The following LDB2 variants were observed in gnomAD, a reference collection of about 807,000 sequenced individuals.
The protein encoded by LDB2 is LIM domain binding 2.
Under a neutral mutation model 44.3 loss-of-function variants are expected in LDB2, and 12 were observed. That is an observed-to-expected ratio of 0.27 (90% CI 0.17 to 0.44). LDB2 has a LOEUF of 0.44. Among genes scored for constraint, LDB2 ranks in the 20% least tolerant of loss-of-function variants. The probability of loss-of-function intolerance (pLI) is 1.00; values close to 1 mark genes in which losing one functional copy is unlikely to be tolerated. For missense variants in LDB2, 344 were observed against 473.5 expected (o/e 0.73, Z 2.54); for synonymous variants, 164 against 174.8 (o/e 0.94, Z 0.49).
At chr4:16,508,496 CAGTT>C (rs778154454) in intron 7 of LDB2, 35 bp downstream of exon 7, 37 of 1,470,598 alleles carry the variant, frequency 2.5e-5, no homozygotes, top group Non-Finnish European at 3.0e-5. Context: ...AGGAAGCAGA[CAGTT>C]AGGATTTCGG....
chr4:16,651,611 T>C (rs1254589529), intron 2 of LDB2, among the ~76,000 whole-genome samples: 1 of 151,948 alleles, frequency 6.6e-6, no homozygotes, highest in Non-Finnish European at 1.5e-5. Context: ...TCTACGCTTA[T>C]AATAAAATTT....
chr4:16,731,138 C>A (rs1370383810), intron 2 of LDB2, among the ~76,000 whole-genome samples: 3 of 152,000 alleles, frequency 2.0e-5, no homozygotes, highest in Non-Finnish European at 1.5e-5. Flanking sequence ...GAGTCGATGA[C>A]AATGGTGTGC....
At chr4:16,829,436 A>T (rs1312013025) in intron 1 of LDB2, among the ~76,000 whole-genome samples, 1 of 152,232 alleles carries the variant, frequency 6.6e-6, no homozygotes, top group East Asian at 1.9e-4. Flanking sequence ...TTTATTTGAA[A>T]ACACAATTTA....
chr4:16,510,319 C>T (rs973084253), intron 6 of LDB2, among the ~76,000 whole-genome samples: 1 of 152,076 alleles, frequency 6.6e-6, no homozygotes, highest in African/African-American at 2.4e-5. Flanking sequence ...AGATTTTCAT[C>T]AAATGGTCTA....
intron 1 of LDB2, among the ~76,000 whole-genome samples, chr4:16,765,813 A>T (rs1246671454): frequency 6.6e-6 from 1 of 152,246 alleles, no homozygotes; most frequent in Non-Finnish European, 1.5e-5. Context: ...TGCCCCAGGC[A>T]TGCATGTCAG....
chr4:16,857,094 T>A (rs1196673859), intron 1 of LDB2, among the ~76,000 whole-genome samples: 1 of 152,182 alleles, frequency 6.6e-6, no homozygotes, highest in Admixed American at 6.5e-5. Flanking sequence ...CCGTTACTAA[T>A]TCTCATAGAA....
intron 1 of LDB2, among the ~76,000 whole-genome samples, chr4:16,765,858 T>A (rs985587823): frequency 2.0e-5 from 3 of 152,204 alleles, no homozygotes; most frequent in Non-Finnish European, 4.4e-5. Flanking sequence ...AAATAAATTA[T>A]CTCACACCTA....
chr4:16,590,933 G>T (rs1344526302), intron 3 of LDB2, among the ~76,000 whole-genome samples: 5 of 152,170 alleles, frequency 3.3e-5, no homozygotes, highest in Non-Finnish European at 7.3e-5. Flanking sequence ...ATTAAAAAGA[G>T]TTGCATGGAG....
At chr4:16,815,741 G>A (rs1057042917) in intron 1 of LDB2, among the ~76,000 whole-genome samples, 1 of 152,234 alleles carries the variant, frequency 6.6e-6, no homozygotes. Context: ...GTTTCTGCTC[G>A]TAAGATGACA....
At chr4:16,742,858 C>T (rs751379034) in intron 2 of LDB2, among the ~76,000 whole-genome samples, 45 of 152,186 alleles carry the variant, frequency 3.0e-4, no homozygotes, top group African/African-American at 7.7e-4. Context: ...TCTTCCACTC[C>T]GTTTCTACCT....
intron 1 of LDB2, among the ~76,000 whole-genome samples, chr4:16,884,185 T>C (rs552545302): frequency 4.6e-5 from 7 of 152,282 alleles, no homozygotes; most frequent in Non-Finnish European, 8.8e-5. Flanking sequence ...CTCGGCCCAA[T>C]AGTAGACGCT....
intron 5 of LDB2, among the ~76,000 whole-genome samples, chr4:16,522,298 A>G (rs375753369): frequency 7.0e-4 from 43 of 61,178 alleles, no homozygotes; most frequent in African/African-American, 2.1e-3. Context: ...GTGTGTGTGT[A>G]TGTATGTACA....
chr4:16,508,501 A>T, intron 7 of LDB2, 34 bp downstream of exon 7: 1 of 1,493,070 alleles, frequency 6.7e-7, no homozygotes, highest in Non-Finnish European at 9.0e-7. Context: ...GCAGACAGTT[A>T]GGATTTCGGG....
At chr4:16,700,683 C>G (rs1753238496) in intron 2 of LDB2, among the ~76,000 whole-genome samples, 1 of 152,170 alleles carries the variant, frequency 6.6e-6, no homozygotes, top group Admixed American at 6.5e-5. Flanking sequence ...TGACCAGTGT[C>G]CCCTTGTAAA....
At chr4:16,508,789 T>C (rs1381138458) in intron 6 of LDB2, 103 bp from the exon 7 acceptor site, 3 of 1,120,720 alleles carry the variant, frequency 2.7e-6, no homozygotes, top group Admixed American at 2.7e-5. Context: ...AACTGAAGAG[T>C]AGACTATTTA....
chr4:16,781,572 C>T (rs1321004878), intron 1 of LDB2, among the ~76,000 whole-genome samples: 1 of 152,112 alleles, frequency 6.6e-6, no homozygotes, highest in South Asian at 2.1e-4. Context: ...ACTCCTCATA[C>T]TCTGATGCAC....
chr4:16,552,993 C>A (rs1738202146), intron 5 of LDB2, among the ~76,000 whole-genome samples: 1 of 152,156 alleles, frequency 6.6e-6, no homozygotes, highest in South Asian at 2.1e-4. Flanking sequence ...TCCAGATTAC[C>A]AATCACTCTC....
chr4:16,504,389 A>T (rs764015934), intron 7 of LDB2, among the ~76,000 whole-genome samples: 7 of 152,226 alleles, frequency 4.6e-5, no homozygotes, highest in Non-Finnish European at 1.0e-4. Flanking sequence ...TAGGTTTCCA[A>T]ACTATGTTTT....
intron 2 of LDB2, among the ~76,000 whole-genome samples, chr4:16,712,924 T>C (rs1756244698): frequency 2.0e-5 from 3 of 152,242 alleles, no homozygotes; most frequent in Non-Finnish European, 4.4e-5. Flanking sequence ...AGCAATTGTT[T>C]ATAATTGCCA....
Sources: allele counts gnomAD v4.1 joint callset (sites outside exome capture counted in the v4.1 genomes callset), GRCh38; gene constraint gnomAD v4.1.1; transcripts MANE v1.5; gene names NCBI Gene and HGNC (gene_info 2026-07-23, HGNC 2026-07-21).